Variants in PUDP observed in about 807,000 individuals in gnomAD.
PUDP encodes the protein pseudouridine 5'-phosphatase.
In PUDP, 8 loss-of-function variants were observed where a neutral mutation model predicts 9.4. The observed-to-expected ratio is 0.85, with a 90% CI of 0.50 to 1.53. The LOEUF (loss-of-function observed/expected upper bound fraction) is 1.53, where lower values mean the gene tolerates loss of function less well. PUDP is among the 40% of genes most tolerant of loss of function. The pLI is 0.00. For synonymous variants in PUDP, 99 were observed against 80.7 expected, an observed-to-expected ratio of 1.23 and a Z score of -1.22; for missense variants, 188 against 189.7, an observed-to-expected ratio of 0.99 and a Z score of 0.05.
At chrX:6,876,639 A>ATG (rs111935866) in intron 3 of PUDP, among the ~76,000 whole-genome samples, 4,320 of 92,629 alleles carry the variant, frequency 0.047, 95 homozygotes, top group Middle Eastern at 0.1. Context: ...CTAAAATGTT[A>ATG]TGTGTGTGTG....
At chrX:6,770,549 G>A (rs187563274) in intron 3 of PUDP, among the ~76,000 whole-genome samples, 305 of 111,046 alleles carry the variant, frequency 2.7e-3, no homozygotes, top group Non-Finnish European at 4.8e-3. Flanking sequence ...TGCTGCCTGG[G>A]TATCTACAGA....
intron 3 of PUDP, among the ~76,000 whole-genome samples, chrX:7,064,378 C>T (rs1165531491): frequency 8.9e-6 from 1 of 111,892 alleles, no homozygotes; most frequent in African/African-American, 3.3e-5. Context: ...AGCCCATATT[C>T]CCACTTGGGA....
At chrX:6,713,891 A>AATT (rs1250058441) in intron 1 of PUDP, among the ~76,000 whole-genome samples, 2 of 110,055 alleles carry the variant, frequency 1.8e-5, no homozygotes, top group African/African-American at 3.3e-5. Context: ...AATGGTTTAG[A>AATT]ATTATTATTA....
At chrX:7,122,753 T>C (rs1195772621) in intron 1 of PUDP, among the ~76,000 whole-genome samples, 1 of 112,073 alleles carries the variant, frequency 8.9e-6, no homozygotes. Flanking sequence ...TACATGCACC[T>C]TTCTCTGAAC....
intron 1 of PUDP, among the ~76,000 whole-genome samples, chrX:6,998,735 C>T (rs1929283922): frequency 8.9e-6 from 1 of 111,970 alleles, no homozygotes; most frequent in Non-Finnish European, 1.9e-5. Flanking sequence ...ATTTGATTAA[C>T]CATGTAACTT....
At chrX:6,727,868 C>A (rs986580790) in intron 3 of PUDP, among the ~76,000 whole-genome samples, 1 of 111,613 alleles carries the variant, frequency 9.0e-6, no homozygotes, top group Non-Finnish European at 1.9e-5. Context: ...ACTGTGAAAC[C>A]TGAGACTGAA....
intron 3 of PUDP, among the ~76,000 whole-genome samples, chrX:6,731,592 A>G (rs1924808266): frequency 8.9e-6 from 1 of 111,799 alleles, no homozygotes; most frequent in African/African-American, 3.3e-5. Context: ...TGTCATTTTC[A>G]TAGTATAACC....
intron 1 of PUDP, among the ~76,000 whole-genome samples, chrX:7,029,529 G>A (rs1215250719): frequency 8.9e-6 from 1 of 112,403 alleles, no homozygotes. Context: ...AGGTGATAGA[G>A]GTGAGAAATG....
chrX:7,129,894 G>T (rs778290238), intron 1 of PUDP, among the ~76,000 whole-genome samples: 1 of 111,427 alleles, frequency 9.0e-6, no homozygotes, highest in Non-Finnish European at 1.9e-5. Context: ...AATCGAAAGG[G>T]TAAGGGCAAT....
intron 3 of PUDP, among the ~76,000 whole-genome samples, chrX:6,827,199 A>G (rs1217562744): frequency 8.9e-6 from 1 of 111,853 alleles, no homozygotes; most frequent in Non-Finnish European, 1.9e-5. Context: ...TGGATTGGTG[A>G]CCCAAGCTCA....
At chrX:6,953,286 TTC>T in intron 3 of PUDP, among the ~76,000 whole-genome samples, 1 of 111,889 alleles carries the variant, frequency 8.9e-6, no homozygotes, top group East Asian at 2.8e-4. Flanking sequence ...CTTTGTTCTT[TTC>T]TTTCGTCTAG....
At chrX:6,971,762 G>T (rs971274142) in intron 3 of PUDP, among the ~76,000 whole-genome samples, 2 of 111,589 alleles carry the variant, frequency 1.8e-5, no homozygotes, top group African/African-American at 6.5e-5. Flanking sequence ...AAAGTCAGTG[G>T]TAGCTTGATG....
intron 1 of PUDP, among the ~76,000 whole-genome samples, chrX:7,111,775 C>T (rs1419148165): frequency 8.9e-6 from 1 of 111,761 alleles, no homozygotes; most frequent in Non-Finnish European, 1.9e-5. Context: ...TAGGCGGTTG[C>T]GTCCATGGAG....
chrX:7,063,971 T>C (rs1741528509), intron 3 of PUDP, among the ~76,000 whole-genome samples: 1 of 112,197 alleles, frequency 8.9e-6, no homozygotes, highest in Admixed American at 9.5e-5. Context: ...TATGTATTCA[T>C]AAGCCTATGA....
At chrX:7,141,029 A>G (rs1308207820) in intron 1 of PUDP, among the ~76,000 whole-genome samples, 2 of 111,730 alleles carry the variant, frequency 1.8e-5, no homozygotes, top group East Asian at 5.6e-4. Flanking sequence ...ATTGCTCCAT[A>G]GACCCCCATC....
At chrX:6,733,642 G>T (rs1924838174) in intron 3 of PUDP, among the ~76,000 whole-genome samples, 1 of 110,252 alleles carries the variant, frequency 9.1e-6, no homozygotes, top group South Asian at 3.9e-4. Context: ...GACCAGAAGG[G>T]TGAAGGAAAG....
chrX:6,971,659 C>T (rs1431523915), intron 3 of PUDP, among the ~76,000 whole-genome samples: 1 of 109,011 alleles, frequency 9.2e-6, no homozygotes, highest in Non-Finnish European at 1.9e-5. Flanking sequence ...CTCCTGACTT[C>T]GTGATCTGCC....
intron 1 of PUDP, among the ~76,000 whole-genome samples, chrX:7,130,528 CA>C (rs1444031230): frequency 9.0e-6 from 1 of 111,171 alleles, no homozygotes; most frequent in Non-Finnish European, 1.9e-5. Context: ...AAATGGCTTC[CA>C]GGGGCCAGGC....
intron 3 of PUDP, among the ~76,000 whole-genome samples, chrX:7,063,689 G>GCT (rs202225372): frequency 0.011 from 1,216 of 111,643 alleles, 22 homozygotes; most frequent in African/African-American, 0.036. Flanking sequence ...TGTCGCCCAG[G>GCT]CTCGGGTGCA....
Sources: gnomAD v4.1 joint callset for allele counts (sites outside exome capture counted in the v4.1 genomes callset) on GRCh38, gnomAD v4.1.1 for gene constraint, MANE v1.5 for transcripts, NCBI Gene and HGNC (gene_info 2026-07-23, HGNC 2026-07-21) for gene names.